The following MIER3 variants were observed in gnomAD, a reference collection of about 807,000 sequenced individuals.
MIER3 encodes MIER family member 3, also known as mesoderm induction early response protein 3.
MIER3 carries 9 observed loss-of-function variants against 63.2 expected under a neutral mutation model. The ratio of observed to expected loss-of-function variants is 0.14; its 90% CI spans 0.09 to 0.25. MIER3 has a LOEUF of 0.25. Ranked by LOEUF, MIER3 falls within the 10% of genes least tolerant of loss-of-function variation. MIER3 has a pLI of 1.00. For synonymous variants in MIER3, 205 were observed against 224.9 expected (o/e 0.91, Z 0.79); for missense variants, 512 against 666.2 (o/e 0.77, Z 2.55).
chr5:56,930,237 C>A (rs1415064012), intron 9 of MIER3, among the ~76,000 whole-genome samples: 1 of 151,014 alleles, frequency 6.6e-6, no homozygotes, highest in Admixed American at 6.6e-5. Context: ...TACATGATTA[C>A]TAAAAATACA....
chr5:56,928,955 ACTCT>A (rs150635397), intron 9 of MIER3, 94 bp from the exon 10 acceptor site: 95,830 of 573,222 alleles, frequency 0.17, 11,419 homozygotes, highest in African/African-American at 0.38. Flanking sequence ...AAGGTCACAA[ACTCT>A]CTCTCTCTCT....
At chr5:56,933,506 T>TA in intron 7 of MIER3, 108 bp from the exon 8 acceptor site, 1 of 1,064,254 alleles carries the variant, frequency 9.4e-7, no homozygotes, top group Non-Finnish European at 1.3e-6. Context: ...GACAAGTAAA[T>TA]AACTTTGAAG....
chr5:56,950,925 A>C (rs1179966093), intron 1 of MIER3, among the ~76,000 whole-genome samples: 1 of 152,056 alleles, frequency 6.6e-6, no homozygotes, highest in South Asian at 2.1e-4. Context: ...GAGCTCAGCA[A>C]GTTTCCAAGC....
intron 3 of MIER3, chr5:56,941,231 G>T: frequency 2.5e-6 from 2 of 793,648 alleles, no homozygotes; most frequent in Non-Finnish European, 3.1e-6. Context: ...ATATTCAATT[G>T]TGACTATAGA....
intron 3 of MIER3, among the ~76,000 whole-genome samples, chr5:56,942,335 T>G (rs115565846): frequency 7.2e-5 from 11 of 152,298 alleles, no homozygotes; most frequent in African/African-American, 2.4e-4. Context: ...TTGGAAATAA[T>G]GTTGTAAGGG....
In MIER3 at chr5:56,926,413, A is replaced by T. The variant is rs187680175; in HGVS notation, c.924+2354T>A. On this transcript the variant is annotated intron_variant, in intron 10 of 12. Transcript: ENST00000381199. ...ACTCAACAAGAATACAAACCACCCA[A>T]TTAAAATCTGGGCAAAAAATCTGAA... Among the ~76,000 whole-genome samples, 580 of 152,228 alleles carry T rather than the reference A, an allele frequency of 3.8e-3. 3 individuals carry two copies. The highest frequency in any genetic ancestry group is 7.6e-3 in the Admixed American group (116 of 15,268).
Position 56,923,785 on chromosome 5 carries a change from C to T in MIER3, c.1101G>A (p.Thr367=), listed in dbSNP as rs200988018. Residue 367 remains threonine, a synonymous_variant, in exon 12 of 13, where the codon ACG becomes ACA. Coordinates refer to ENST00000381199, the MANE Select transcript of MIER3 (RefSeq NM_001297599.2). ...LVDETEALGG[T]VNASALTSNR... ...TAGAAGTTAAGGCTGAAGCATTTAC[C>T]GTCCCACCCAAAGCTTCTGTTTCAT... 5.3e-5 allele frequency: 85 copies of T among 1,614,142 alleles called. No homozygotes were observed. In the East Asian group the frequency reaches 9.6e-4, roughly 18 times the overall value.
chr5:56,939,553 A>G (rs768310300), intron 3 of MIER3, among the ~76,000 whole-genome samples: 2 of 152,178 alleles, frequency 1.3e-5, no homozygotes, highest in Non-Finnish European at 2.9e-5. Flanking sequence ...CAGTTTTTTT[A>G]AAACAACTGT....
intron 9 of MIER3, 128 bp from the exon 10 acceptor site, chr5:56,928,989 T>TCTCTCACACACACACACACACACA: frequency 2.1e-6 from 1 of 469,028 alleles, no homozygotes; most frequent in South Asian, 2.3e-5. Context: ...ACACTCTCTC[T>TCTCTCACACACACACACACACACA]CTCACACACA....
At position 56,935,562 on chromosome 5, in the gene MIER3, A is replaced by G. The variant is rs1169183636; in HGVS notation, c.523-62T>C. 3.3e-6 allele frequency: 5 copies of G among 1,495,950 alleles called. No homozygotes were observed. The African/African-American group carries it at 5.6e-5, about 17-fold the overall frequency. The allele number at this position is 1,495,950 out of a possible 1,614,324, so 92.7% of individuals were successfully genotyped here. A position where few individuals can be genotyped will look rare whatever the true frequency, so the allele number is the denominator to read the frequency against. ...AAAAAAAATACTGAAAAAAAGCCCC[A>G]TATCATTAATCAGTTTCTACAAGTC... On this transcript the variant is annotated intron_variant, in intron 6 of 12. Coordinates refer to ENST00000381199, the MANE Select transcript of MIER3 (RefSeq NM_001297599.2).
intron 10 of MIER3, among the ~76,000 whole-genome samples, chr5:56,927,063 A>G (rs988918338): frequency 6.6e-6 from 1 of 152,078 alleles, no homozygotes; most frequent in Non-Finnish European, 1.5e-5. Flanking sequence ...AAAAAGATCA[A>G]TGGCTGCTAG....
At chr5:56,935,388 T>C in intron 7 of MIER3, 40 bp downstream of exon 7, 1 of 1,455,936 alleles carries the variant, frequency 6.9e-7, no homozygotes, top group African/African-American at 1.4e-5. Flanking sequence ...AGTGGTAACC[T>C]TATCTACCAA....
intron 3 of MIER3, among the ~76,000 whole-genome samples, chr5:56,943,072 G>A (rs1393387127): frequency 6.6e-6 from 1 of 152,094 alleles, no homozygotes; most frequent in East Asian, 1.9e-4. Flanking sequence ...CTTAAGCCCA[G>A]GAGGTCAAGG....
Position 56,935,476 on chromosome 5 carries a change from GAT to G in MIER3, c.545_546del (p.Tyr182SerfsTer14). 6.3e-7 allele frequency: 1 copy of G among 1,594,130 alleles called. No homozygotes were observed. Among genetic ancestry groups the G allele is most frequent in the South Asian group, 1.2e-5 (1 of 85,516 alleles). ...CCAAGATAAGGGGGAATCTCTGCCT[GAT>G]ATTGTAAACCAATCATTATTTCCTA... Reference protein sequence around the residue: ...LRKEIMIGLQYQAEIPPYLGE... With the variant: ...LRKEIMIGLQXQAEIPPYLGE... On this transcript the variant is annotated frameshift_variant, in exon 7 of 13. Coordinates refer to ENST00000381199, the MANE Select transcript of MIER3 (RefSeq NM_001297599.2). LOFTEE classifies it high-confidence loss of function.
intron 5 of MIER3, 53 bp downstream of exon 5, chr5:56,937,525 T>A (rs1019112311): frequency 1.2e-5 from 18 of 1,498,582 alleles, no homozygotes; most frequent in Non-Finnish European, 1.4e-5. Flanking sequence ...TAAAATGTAC[T>A]AAAGCTACAG....
intron 7 of MIER3, among the ~76,000 whole-genome samples, chr5:56,933,890 T>C (rs998421798): frequency 6.6e-6 from 1 of 152,052 alleles, no homozygotes; most frequent in Non-Finnish European, 1.5e-5. Flanking sequence ...CCCAACAAGA[T>C]AACTTTTATT....
intron 4 of MIER3, 87 bp from the exon 5 acceptor site, chr5:56,937,785 G>A: frequency 2.5e-6 from 3 of 1,177,622 alleles, no homozygotes; most frequent in Non-Finnish European, 2.3e-6. Context: ...ATATCATTAA[G>A]AAGCAGTTGG....
At chr5:56,944,365 C>T (rs1750755301) in intron 3 of MIER3, among the ~76,000 whole-genome samples, 1 of 151,906 alleles carries the variant, frequency 6.6e-6, no homozygotes, top group Non-Finnish European at 1.5e-5. Flanking sequence ...CCTATAGTCC[C>T]AGCTATTCAG....
chr5:56,946,951 C>T lies in MIER3; in HGVS notation c.155G>A (p.Ser52Asn). 6.3e-7 allele frequency: 1 copy of T among 1,590,574 alleles called. No homozygotes were observed. The highest frequency in any genetic ancestry group is 1.2e-5 in the South Asian group (1 of 86,222). ...EEMMDEGKNF[S>N]SEIEDLEKEG... is the part of the protein sequence containing the mutation. ...CTTTTCTAAGTCTTCAATTTCTGAA[C>T]TGAAGTTTTTACCCTCATCCATCAT... The change falls in exon 3 of 13, where the codon AGT (serine) becomes AAT (asparagine). Residue 52 changes from serine to asparagine, a missense_variant. Ser to Asn is a conservative substitution (Grantham distance 46). This residue lies in a region of MIER3 where 98 missense variants were observed against 107.4 expected (regional missense o/e 0.91). Transcript: ENST00000381199.
Sources: gnomAD v4.1 joint callset for allele counts (sites outside exome capture counted in the v4.1 genomes callset) on GRCh38, gnomAD v4.1.1 for gene constraint, gnomAD v4.1.1 regional missense constraint, MANE v1.5 for transcripts, NCBI Gene and HGNC (gene_info 2026-07-23, HGNC 2026-07-21) for gene names.